The following EHBP1 variants were observed in gnomAD, a reference collection of about 807,000 sequenced individuals.
EHBP1 encodes EH domain-binding protein 1.
A neutral mutation model predicts 144.0 loss-of-function variants in EHBP1; 55 were observed. That is an observed-to-expected ratio of 0.38 (90% CI 0.31 to 0.48). The LOEUF (loss-of-function observed/expected upper bound fraction) is 0.48, where lower values mean the gene tolerates loss of function less well. EHBP1 is among the 20% of genes least tolerant of loss of function. The pLI is 0.98. For missense variants in EHBP1, 1,200 were observed against 1,364.2 expected, an observed-to-expected ratio of 0.88 and a Z score of 1.90; for synonymous variants, 469 against 472.7, an observed-to-expected ratio of 0.99 and a Z score of 0.10.
intron 10 of EHBP1, among the ~76,000 whole-genome samples, chr2:62,926,431 C>T (rs1173335380): frequency 1.3e-5 from 2 of 152,106 alleles, no homozygotes; most frequent in African/African-American, 2.4e-5. Flanking sequence ...GCAAACTACT[C>T]ATTCGATGGA....
intron 5 of EHBP1, among the ~76,000 whole-genome samples, chr2:62,811,709 G>C (rs767364973): frequency 2.0e-4 from 31 of 152,088 alleles, no homozygotes; most frequent in Non-Finnish European, 4.0e-4. Context: ...CTTGCATTGG[G>C]GTGACAAGTT....
At chr2:62,684,180 A>G (rs2033637735) in intron 1 of EHBP1, among the ~76,000 whole-genome samples, 1 of 152,258 alleles carries the variant, frequency 6.6e-6, no homozygotes, top group Admixed American at 6.5e-5. Flanking sequence ...TCATTGAGAA[A>G]GAAGCCCTTA....
At chr2:62,910,612 T>C (rs1172335727) in intron 10 of EHBP1, among the ~76,000 whole-genome samples, 2 of 152,236 alleles carry the variant, frequency 1.3e-5, no homozygotes, top group East Asian at 3.9e-4. Flanking sequence ...AAAAATGCAC[T>C]GAATTGCTAC....
chr2:62,747,438 A>C lies in EHBP1; in HGVS notation c.148A>C (p.Arg50=), dbSNP rs777532284. ...LVVVWTRRSR[R]KSSKAHSWQP... Reference sequence around the variant, plus strand: ...GGTAGTTTGGACCAGAAGAAGCCGAAGGAAGTCTTCTAAGGTTAGTGTATT... The same window carrying C: ...GGTAGTTTGGACCAGAAGAAGCCGACGGAAGTCTTCTAAGGTTAGTGTATT... The change falls in exon 3 of 23, where the codon AGG becomes CGG. Residue 50 remains arginine, a synonymous_variant. Transcript: ENST00000431489. The C allele has an allele frequency of 6.2e-7, 1 of 1,609,650 alleles. No individual in the cohort carries two copies. Among genetic ancestry groups the C allele is most frequent in the Non-Finnish European group, 8.5e-7 (1 of 1,177,664 alleles).
chr2:62,957,113 T>G (rs550354632), intron 14 of EHBP1, among the ~76,000 whole-genome samples: 1 of 152,336 alleles, frequency 6.6e-6, no homozygotes, highest in East Asian at 1.9e-4. Context: ...ATTAACAAAT[T>G]CAACCCAGAA....
Position 62,831,173 on chromosome 2 carries a change from C to T in EHBP1, c.634+15C>T. On this transcript the variant is annotated intron_variant, in intron 7 of 22. Coordinates refer to ENST00000431489, the MANE Select transcript of EHBP1 (RefSeq NM_001142616.3). ...TAAAATTACAGGTTGGTTTTATTAG[C>T]ATTAAACTAAAAGTTTATCTTTTGT... 9 of 1,576,574 alleles carry T rather than the reference C, an allele frequency of 5.7e-6. No individual in the cohort carries two copies. The highest frequency in any genetic ancestry group is 6.9e-6 in the Non-Finnish European group (8 of 1,167,256).
rs2153385484 is a variant in EHBP1, at chr2:63,045,691, T to G, written c.*191T>G. The G allele has an allele frequency of 3.7e-6, 2 of 546,862 alleles. No homozygotes were observed. The highest frequency in any genetic ancestry group is 6.5e-6 in the Non-Finnish European group (2 of 306,308). The allele number at this position is 546,862 out of a possible 1,614,324, so 33.9% of individuals were successfully genotyped here. A position where few individuals can be genotyped will look rare whatever the true frequency, so the allele number is the denominator to read the frequency against. On this transcript the variant is annotated 3_prime_UTR_variant, in exon 23 of 23. Transcript: ENST00000431489. This position sits in a 1 kb window ranked among gnomAD's most constrained non-coding sequence, Gnocchi z 5.7. ...ATAATATACAGAACTCCAAAATAGC[T>G]TCATTTAAGGATTTTTTTGTGAGTT... is the stretch of plus-strand genomic sequence containing the variant.
intron 19 of EHBP1, among the ~76,000 whole-genome samples, chr2:63,033,212 T>G (rs1042216321): frequency 6.6e-5 from 10 of 152,354 alleles, no homozygotes; most frequent in African/African-American, 2.4e-4. Flanking sequence ...TACCTTCATG[T>G]ATCATATGTC....
intron 1 of EHBP1, chr2:62,706,278 G>C (rs1239054036): frequency 3.3e-5 from 5 of 152,528 alleles, no homozygotes; most frequent in African/African-American, 1.2e-4. Context: ...CACTTGCCCC[G>C]CTGGTCATTG....
chr2:62,876,472 T>C (rs1366047356), intron 10 of EHBP1, among the ~76,000 whole-genome samples: 2 of 152,212 alleles, frequency 1.3e-5, no homozygotes, highest in Non-Finnish European at 2.9e-5. Context: ...CAGGAGGTCC[T>C]TAAGGGAGTG....
chr2:62,791,988 G>T (rs950215543), intron 5 of EHBP1, among the ~76,000 whole-genome samples: 3 of 151,970 alleles, frequency 2.0e-5, no homozygotes, highest in African/African-American at 7.2e-5. Context: ...TTAGAAGTTT[G>T]CTCATAAAGT....
rs2041909906 is a variant in EHBP1, at chr2:62,774,389, A to AAAG, written c.312+2998_312+2999insAGA. Reference sequence around the variant, plus strand: ...CTGTCTCAAAAAGAAAAAAAAAAAAAAGAGAGAAAAGAAAGGAAGAAAGAA... The same window carrying AAAG: ...CTGTCTCAAAAAGAAAAAAAAAAAAAAAGAGAGAGAAAAGAAAGGAAGAAAGAA... On this transcript the variant is annotated intron_variant, in intron 5 of 22. Coordinates refer to ENST00000431489, the MANE Select transcript of EHBP1 (RefSeq NM_001142616.3). 7.2e-5 allele frequency among the ~76,000 whole-genome samples: 11 copies of AAAG among 151,934 alleles called. No homozygotes were observed. In the South Asian group the frequency reaches 2.3e-3, roughly 32 times the overall value.
intron 19 of EHBP1, among the ~76,000 whole-genome samples, chr2:63,003,626 A>C (rs2059926099): frequency 6.6e-6 from 1 of 152,106 alleles, no homozygotes; most frequent in South Asian, 2.1e-4. Context: ...GTAATCAGGA[A>C]ATAGTTTAAT....
chr2:62,828,993 CT>C (rs564671580), intron 6 of EHBP1, among the ~76,000 whole-genome samples: 170 of 152,028 alleles, frequency 1.1e-3, no homozygotes, highest in Admixed American at 3.5e-3. Flanking sequence ...TGCTCTACAC[CT>C]GGGGTCCCAG....
Position 62,948,269 on chromosome 2 carries a change from G to A in EHBP1, c.1423G>A (p.Gly475Arg). Reference protein sequence around the residue: ...IKENNKKAYDGFASIGISRLL... With the variant: ...IKENNKKAYDRFASIGISRLL... ...TTTCCTTCCTTTGAAGGCATACGAT[G>A]GATTTGCCAGCATAGGAATTTCCCG... The change falls in exon 13 of 23, where the codon GGA (glycine) becomes AGA (arginine). Residue 475 changes from glycine (G) to arginine (R), a missense_variant. Gly to Arg is a moderately radical substitution (Grantham distance 125). Around this residue, in one of 6 missense-constraint regions of EHBP1, gnomAD observed 94 missense variants for 143.0 expected, o/e 0.66. Coordinates refer to ENST00000431489, the MANE Select transcript of EHBP1 (RefSeq NM_001142616.3). The A allele has an allele frequency of 6.4e-7, 1 of 1,565,540 alleles. No individual in the cohort carries two copies. Among genetic ancestry groups the A allele is most frequent in the Non-Finnish European group, 8.7e-7 (1 of 1,155,850 alleles).
rs114236738 is a variant in EHBP1, at chr2:62,698,172, A to G, written c.-295-8725A>G. On this transcript the variant is annotated intron_variant, in intron 1 of 22. Coordinates refer to the EHBP1 transcript ENST00000405015. Reference sequence around the variant, plus strand: ...TAAGAGAAGTTGAACAGTTAACAATATGCCTCCTATTCTTGCTTTAATTGT... The same window carrying G: ...TAAGAGAAGTTGAACAGTTAACAATGTGCCTCCTATTCTTGCTTTAATTGT... 3.6e-3 allele frequency among the ~76,000 whole-genome samples: 556 copies of G among 152,370 alleles called. 3 individuals are homozygous for G. Among genetic ancestry groups the G allele is most frequent in the African/African-American group, 0.013 (531 of 41,594 alleles).
chr2:62,694,765 C>A (rs1382043735), intron 1 of EHBP1, among the ~76,000 whole-genome samples: 1 of 152,166 alleles, frequency 6.6e-6, no homozygotes, highest in Non-Finnish European at 1.5e-5. Context: ...CATCTCCTGG[C>A]TTCCTCTGTT....
chr2:62,696,833 C>T (rs931005648), intron 1 of EHBP1, among the ~76,000 whole-genome samples: 5 of 152,032 alleles, frequency 3.3e-5, no homozygotes, highest in African/African-American at 1.2e-4. Context: ...TCTTTTTTAA[C>T]ATTTAAAAAA....
chr2:62,908,526 T>C (rs2053969851), intron 10 of EHBP1, among the ~76,000 whole-genome samples: 1 of 152,136 alleles, frequency 6.6e-6, no homozygotes, highest in Non-Finnish European at 1.5e-5. Context: ...ATTTAAGACC[T>C]TTATTCTTTT....
Sources: allele counts gnomAD v4.1 joint callset (sites outside exome capture counted in the v4.1 genomes callset), GRCh38; gene constraint gnomAD v4.1.1; regional missense constraint gnomAD v4.1.1; non-coding constraint Gnocchi (gnomAD v3.1); transcripts MANE v1.5; gene names NCBI Gene and HGNC (gene_info 2026-07-23, HGNC 2026-07-21).